COL5A2: variants seen among roughly 807,000 people sequenced by gnomAD.
The protein encoded by COL5A2 is collagen alpha-2(V) chain.
In COL5A2, 23 loss-of-function variants were observed where a neutral mutation model predicts 208.2. The ratio of observed to expected loss-of-function variants is 0.11; its 90% CI spans 0.08 to 0.16. COL5A2 has a LOEUF of 0.16. Among genes scored for constraint, COL5A2 ranks in the 10% least tolerant of loss-of-function variants. COL5A2 has a pLI of 1.00. For synonymous variants in COL5A2, 625 were observed against 628.5 expected, an observed-to-expected ratio of 0.99 and a Z score of 0.08; for missense variants, 1,590 against 1,956.4, an observed-to-expected ratio of 0.81 and a Z score of 3.53.
chr2:189,041,821 T>C (rs1171899604), intron 49 of COL5A2, 128 bp from the exon 50 acceptor site: 1 of 650,362 alleles, frequency 1.5e-6, no homozygotes, highest in Admixed American at 2.7e-5. Context: ...TTCTTACTGA[T>C]TAATAAATGA....
At chr2:189,094,912 T>C (rs1451690499) in intron 6 of COL5A2, among the ~76,000 whole-genome samples, 1 of 151,554 alleles carries the variant, frequency 6.6e-6, no homozygotes, top group Non-Finnish European at 1.5e-5. Flanking sequence ...GACATACTAG[T>C]TCTCAGTCCA....
the COL5A2 span, among the ~76,000 whole-genome samples, chr2:189,251,135 C>G: frequency 6.6e-6 from 1 of 151,912 alleles, no homozygotes; most frequent in Admixed American, 6.6e-5. Flanking sequence ...CATGGCTCTA[C>G]ACAATAAAAA....
At chr2:189,097,454 G>A in intron 5 of COL5A2, 124 bp from the exon 6 acceptor site, 1 of 975,920 alleles carries the variant, frequency 1.0e-6, no homozygotes. Context: ...TTCAGTTGAA[G>A]ACTATAGAGA....
intron 38 of COL5A2, 102 bp from the exon 39 acceptor site, chr2:189,053,120 C>G: frequency 4.0e-6 from 4 of 994,658 alleles, no homozygotes; most frequent in East Asian, 2.6e-5. Flanking sequence ...TATTGTGAAA[C>G]AGTGCTTTAT....
chr2:189,311,956 A>G, the COL5A2 span: 1 of 761,354 alleles, frequency 1.3e-6, no homozygotes, highest in East Asian at 2.5e-5. Context: ...GCTGCAGCCG[A>G]GTGACATTGG....
At chr2:189,183,827 G>C (rs1488643335), upstream of COL5A2, among the ~76,000 whole-genome samples, 1 of 152,106 alleles carries the variant, frequency 6.6e-6, no homozygotes, top group Non-Finnish European at 1.5e-5. Flanking sequence ...CCAGTCTTCT[G>C]CTTTCCTCTT....
intron 42 of COL5A2, 137 bp downstream of exon 42, chr2:189,051,183 T>A: frequency 1.0e-6 from 1 of 1,005,016 alleles, no homozygotes; most frequent in South Asian, 1.6e-5. Flanking sequence ...TAAAGCCTTA[T>A]AGATTTAATG....
At chr2:189,359,084 T>G in the COL5A2 span, among the ~76,000 whole-genome samples, 7 of 152,198 alleles carry the variant, frequency 4.6e-5, no homozygotes, top group Non-Finnish European at 8.8e-5. Flanking sequence ...TGATTGCTTT[T>G]GCTAGAAATT....
At chr2:189,282,078 C>T in the COL5A2 span, among the ~76,000 whole-genome samples, 38 of 152,024 alleles carry the variant, frequency 2.5e-4, no homozygotes, top group Non-Finnish European at 4.9e-4. Context: ...CCAGCCACTC[C>T]GGAGGCTGAG....
intron 48 of COL5A2, 34 bp from the exon 49 acceptor site, chr2:189,042,807 A>G (rs550921030): frequency 1.3e-6 from 2 of 1,583,608 alleles, no homozygotes; most frequent in East Asian, 2.2e-5. Context: ...TGTTGCCAAA[A>G]TATTTGGATC....
intron 1 of COL5A2, among the ~76,000 whole-genome samples, chr2:189,185,450 A>C (rs1276415478): frequency 6.6e-6 from 1 of 152,252 alleles, no homozygotes; most frequent in Non-Finnish European, 1.5e-5. Context: ...GAGCCCTAAA[A>C]AAGGACAGTG....
chr2:189,385,767 C>A, the COL5A2 span, among the ~76,000 whole-genome samples: 1 of 152,076 alleles, frequency 6.6e-6, no homozygotes, highest in Non-Finnish European at 1.5e-5. Flanking sequence ...GGTACAGGTA[C>A]AAAACCAGAC....
At chr2:189,167,591 A>T (rs1257928748) in intron 1 of COL5A2, among the ~76,000 whole-genome samples, 1 of 152,172 alleles carries the variant, frequency 6.6e-6, no homozygotes, top group Non-Finnish European at 1.5e-5. Context: ...AGCCACAAAT[A>T]AAAAACTTGC....
At chr2:189,346,845 T>C in the COL5A2 span, among the ~76,000 whole-genome samples, 1 of 152,030 alleles carries the variant, frequency 6.6e-6, no homozygotes. Flanking sequence ...GAGGCTTGGG[T>C]TGGCTGCTGC....
chr2:189,230,190 T>C (rs951076295), upstream of COL5A2, among the ~76,000 whole-genome samples: 20 of 151,714 alleles, frequency 1.3e-4, no homozygotes, highest in Non-Finnish European at 2.2e-4. Context: ...CAATGAAAAA[T>C]TGATTAAACA....
the COL5A2 span, among the ~76,000 whole-genome samples, chr2:189,423,908 T>C: frequency 3.3e-5 from 5 of 151,472 alleles, no homozygotes; most frequent in Non-Finnish European, 4.4e-5. Flanking sequence ...AAAAAAAAGC[T>C]ACAGGCCAAC....
the COL5A2 span, among the ~76,000 whole-genome samples, chr2:189,232,376 C>T: frequency 1.9e-4 from 29 of 151,478 alleles, no homozygotes; most frequent in Non-Finnish European, 3.8e-4. Context: ...ATAATCACAA[C>T]ACACAGGAAG....
At chr2:189,356,462 T>A in the COL5A2 span, among the ~76,000 whole-genome samples, 2 of 152,210 alleles carry the variant, frequency 1.3e-5, no homozygotes, top group Non-Finnish European at 2.9e-5. Flanking sequence ...TAATCTTGTC[T>A]TCTCGCTTTA....
the COL5A2 span, among the ~76,000 whole-genome samples, chr2:189,357,484 T>C: frequency 2.0e-5 from 3 of 152,120 alleles, no homozygotes; most frequent in Non-Finnish European, 2.9e-5. Flanking sequence ...CTCCACCAAA[T>C]TCAAACTTCC....
Sources: gnomAD v4.1 joint callset for allele counts (sites outside exome capture counted in the v4.1 genomes callset) on GRCh38, gnomAD v4.1.1 for gene constraint, MANE v1.5 for transcripts, NCBI Gene and HGNC (gene_info 2026-07-23, HGNC 2026-07-21) for gene names.